KSR1: variants seen among roughly 807,000 people sequenced by gnomAD.
KSR1 encodes kinase suppressor of ras 1.
Under a neutral mutation model 92.9 loss-of-function variants are expected in KSR1, and 35 were observed. That is an observed-to-expected ratio of 0.38 (90% confidence interval 0.29 to 0.50). The LOEUF is 0.50. KSR1 is among the 20% of genes least tolerant of loss of function. KSR1 has a pLI of 0.94. For synonymous variants in KSR1, 467 were observed against 472.6 expected (o/e 0.99, Z 0.15); for missense variants, 972 against 1,158.5 (o/e 0.84, Z 2.34).
intron 2 of KSR1, among the ~76,000 whole-genome samples, chr17:27,572,645 C>T (rs529834031): frequency 9.8e-5 from 15 of 152,298 alleles, no homozygotes; most frequent in African/African-American, 3.6e-4. Flanking sequence ...GCTTCACCTG[C>T]GAGTTCACCT....
chr17:27,533,290 C>T (rs1169923376), intron 1 of KSR1, among the ~76,000 whole-genome samples: 2 of 151,994 alleles, frequency 1.3e-5, no homozygotes, highest in Non-Finnish European at 2.9e-5. Flanking sequence ...ATTCAGTTGT[C>T]CCTTGGTATC....
chr17:27,476,504 T>C (rs1245649766), intron 1 of KSR1, among the ~76,000 whole-genome samples: 1 of 152,162 alleles, frequency 6.6e-6, no homozygotes, highest in Non-Finnish European at 1.5e-5. Context: ...TGTTTGACTG[T>C]GGTGCCGTTG....
At chr17:27,467,116 G>T (rs2019734812) in intron 1 of KSR1, among the ~76,000 whole-genome samples, 1 of 152,214 alleles carries the variant, frequency 6.6e-6, no homozygotes, top group Non-Finnish European at 1.5e-5. Flanking sequence ...GGCACAGAGG[G>T]GTTAAGTGAC....
intron 9 of KSR1, among the ~76,000 whole-genome samples, chr17:27,594,170 C>G (rs2073261210): frequency 6.6e-6 from 1 of 152,186 alleles, no homozygotes; most frequent in South Asian, 2.1e-4. Flanking sequence ...CTGAGCCTCA[C>G]TTTCTGCTTT....
Position 27,624,608 on chromosome 17 carries a change from G to A in KSR1, c.*1216G>A, listed in dbSNP as rs1196073737. On this transcript the variant is annotated 3_prime_UTR_variant, in exon 21 of 21. Transcript: ENST00000644974. ...AAGTGAGAGCACCACGCTTGTCTTC[G>A]TTAGAAACTCTTAACTGCAGAAAAA... The A allele has an allele frequency of 6.6e-6, 1 of 152,168 alleles. No homozygotes were observed. The highest frequency in any genetic ancestry group is 2.4e-5 in the African/African-American group (1 of 41,428). 9.4% of individuals were successfully genotyped at this position (152,168 alleles called of 1,614,324 possible). A position where few individuals can be genotyped will look rare whatever the true frequency, so the allele number is the denominator to read the frequency against.
rs550448756 is a variant in KSR1, at chr17:27,552,621, G to A, written c.372+1913G>A. Among the ~76,000 whole-genome samples the A allele has an allele frequency of 3.3e-5, 5 of 152,310 alleles. No homozygotes were observed. In the South Asian group the frequency reaches 1.0e-3, roughly 32 times the overall value. On this transcript the variant is annotated intron_variant, in intron 2 of 20. Transcript: ENST00000644974. ...CCTGGGAGAGTTGGTGCCCCCAGGG[G>A]AGATGGCCCTCTCCAGGAAGGCTAG...
At chr17:27,607,681 C>G (rs1231283963) in intron 14 of KSR1, among the ~76,000 whole-genome samples, 1 of 152,106 alleles carries the variant, frequency 6.6e-6, no homozygotes, top group Admixed American at 6.6e-5. Flanking sequence ...GGCACTGGCT[C>G]TCAGGGAATG....
At chr17:27,541,153 G>T (rs931902390) in intron 1 of KSR1, among the ~76,000 whole-genome samples, 4 of 152,222 alleles carry the variant, frequency 2.6e-5, no homozygotes, top group Non-Finnish European at 5.9e-5. Context: ...TGGGCACCAC[G>T]TAAGAGTCTG....
At chr17:27,608,267 G>A (rs932766176) in intron 15 of KSR1, among the ~76,000 whole-genome samples, 2 of 152,212 alleles carry the variant, frequency 1.3e-5, no homozygotes, top group East Asian at 1.9e-4. Flanking sequence ...AGGCTTTAGA[G>A]GCCAGTTTCA....
At chr17:27,564,839 C>T (rs1474503928) in intron 2 of KSR1, among the ~76,000 whole-genome samples, 1 of 146,410 alleles carries the variant, frequency 6.8e-6, no homozygotes, top group Non-Finnish European at 1.5e-5. Flanking sequence ...GAAACTTTTC[C>T]TCCCTCAGAG....
intron 18 of KSR1, among the ~76,000 whole-genome samples, chr17:27,616,953 C>T (rs1194522142): frequency 6.6e-6 from 1 of 152,224 alleles, no homozygotes; most frequent in Admixed American, 6.5e-5. Context: ...CACCTGTGAA[C>T]GTTGTACCTT....
At position 27,583,666 on chromosome 17, in the gene KSR1, G is replaced by A. The variant is rs138627099; in HGVS notation, c.980+561G>A. ...GGAATATTTGGCAGAAACCACTAGTGACTGTCAGATACCATACCATCTACT... is the reference window on the plus strand; with the variant it reads ...GGAATATTTGGCAGAAACCACTAGTAACTGTCAGATACCATACCATCTACT... On this transcript the variant is annotated intron_variant, in intron 4 of 20. Coordinates refer to ENST00000644974, the MANE Select transcript of KSR1 (RefSeq NM_001394583.1). 9.5e-4 allele frequency among the ~76,000 whole-genome samples: 144 copies of A among 152,352 alleles called. 1 individual carries two copies. Among genetic ancestry groups the A allele is most frequent in the Non-Finnish European group, 1.9e-3 (126 of 68,040 alleles).
At chr17:27,579,108 C>G (rs2072639202) in intron 3 of KSR1, 2 of 152,284 alleles carry the variant, frequency 1.3e-5, no homozygotes, top group Admixed American at 6.5e-5. Flanking sequence ...CTCTGCATCC[C>G]CAGCAGAGTC....
intron 1 of KSR1, among the ~76,000 whole-genome samples, chr17:27,514,807 G>A (rs2069729033): frequency 1.3e-5 from 2 of 152,174 alleles, no homozygotes. Context: ...TCAGCACAAA[G>A]CCTCATACTC....
At chr17:27,571,794 GTA>G (rs2072318614) in intron 2 of KSR1, among the ~76,000 whole-genome samples, 1 of 152,238 alleles carries the variant, frequency 6.6e-6, no homozygotes, top group Admixed American at 6.5e-5. Context: ...CAGTGTGTTT[GTA>G]TACGTGGCCG....
chr17:27,517,336 TA>T (rs1038450053), intron 1 of KSR1, among the ~76,000 whole-genome samples: 8 of 152,196 alleles, frequency 5.3e-5, no homozygotes, highest in African/African-American at 1.9e-4. Flanking sequence ...ATTTTATTTT[TA>T]TTTTTTTTTG....
rs577758819 is a variant in KSR1, at chr17:27,468,623, C to T, written c.231+11749C>T. Among the ~76,000 whole-genome samples the T allele has an allele frequency of 9.7e-4, 148 of 152,324 alleles. 1 individual carries two copies. Among genetic ancestry groups the T allele is most frequent in the Middle Eastern group, 6.8e-3 (2 of 294 alleles). ...CTCTAGGAAGCAGAGTGACCCAGGG[C>T]GGTCTTCTCCAGCCATCCGCTTCCA... On this transcript the variant is annotated intron_variant, in intron 1 of 20. Coordinates refer to ENST00000644974, the MANE Select transcript of KSR1 (RefSeq NM_001394583.1).
intron 1 of KSR1, among the ~76,000 whole-genome samples, chr17:27,488,354 CAT>C (rs919744099): frequency 5.9e-5 from 9 of 152,012 alleles, no homozygotes; most frequent in Non-Finnish European, 7.4e-5. Flanking sequence ...GTCTGGCTCA[CAT>C]GTCTTGTTTT....
At chr17:27,549,555 T>C (rs1347059119) in intron 1 of KSR1, among the ~76,000 whole-genome samples, 1 of 152,264 alleles carries the variant, frequency 6.6e-6, no homozygotes, top group African/African-American at 2.4e-5. Context: ...TGTAAGCTTT[T>C]CTTATTTGAA....
Sources: allele counts gnomAD v4.1 joint callset (sites outside exome capture counted in the v4.1 genomes callset), GRCh38; gene constraint gnomAD v4.1.1; transcripts MANE v1.5; gene names NCBI Gene and HGNC (gene_info 2026-07-23, HGNC 2026-07-21).